HS6ST2: variants seen among roughly 807,000 people sequenced by gnomAD.
HS6ST2 encodes heparan-sulfate 6-O-sulfotransferase 2.
In HS6ST2, 17 loss-of-function variants were observed where a neutral mutation model predicts 33.0. The observed-to-expected ratio is 0.52, with a 90% CI of 0.35 to 0.77. The LOEUF is 0.77. HS6ST2 is among the 30% of genes least tolerant of loss of function. HS6ST2 has a pLI of 0.01. For synonymous variants in HS6ST2, 248 were observed against 237.1 expected (o/e 1.05, Z -0.42); for missense variants, 519 against 551.7 (o/e 0.94, Z 0.59).
chrX:132,942,609 T>C (rs1473503522), intron 2 of HS6ST2, among the ~76,000 whole-genome samples: 1 of 112,064 alleles, frequency 8.9e-6, no homozygotes, highest in Non-Finnish European at 1.9e-5. Flanking sequence ...TCAGGATTCA[T>C]TTCATCTAGG....
chrX:132,693,450 G>T (rs1246746814), intron 3 of HS6ST2, among the ~76,000 whole-genome samples: 1 of 111,707 alleles, frequency 9.0e-6, no homozygotes, highest in Non-Finnish European at 1.9e-5. Flanking sequence ...TCTCTAACTG[G>T]TGTCTAGGGA....
At chrX:132,908,641 T>G (rs1396357152) in intron 2 of HS6ST2, among the ~76,000 whole-genome samples, 2 of 111,825 alleles carry the variant, frequency 1.8e-5, no homozygotes, top group Admixed American at 9.5e-5. Flanking sequence ...CACACTGCAT[T>G]TGTCCATTTA....
At chrX:132,811,685 A>AATTATATATATAT (rs1556452318) in intron 2 of HS6ST2, among the ~76,000 whole-genome samples, 2 of 29,814 alleles carry the variant, frequency 6.7e-5, no homozygotes, top group Non-Finnish European at 1.1e-4. Flanking sequence ...AAGGCTGAAT[A>AATTATATATATAT]ATATATATAT....
intron 2 of HS6ST2, among the ~76,000 whole-genome samples, chrX:132,922,199 G>GC (rs1489819821): frequency 9.0e-6 from 1 of 111,503 alleles, no homozygotes; most frequent in Non-Finnish European, 1.9e-5. Flanking sequence ...TCAGGAGATC[G>GC]AGACCATCCT....
At chrX:132,718,093 AACATTTAATGAGTGCTT>A (rs1384645524) in intron 2 of HS6ST2, among the ~76,000 whole-genome samples, 1 of 112,329 alleles carries the variant, frequency 8.9e-6, no homozygotes, top group Admixed American at 9.4e-5. Context: ...ACCATTAGCT[AACATTTAATGAGTGCTT>A]ACTATATGCC....
chrX:132,810,695 G>T (rs1341980049), intron 2 of HS6ST2, among the ~76,000 whole-genome samples: 1 of 111,594 alleles, frequency 9.0e-6, no homozygotes, highest in Non-Finnish European at 1.9e-5. Context: ...AAGAGCTCAT[G>T]TGCATTTCTT....
intron 2 of HS6ST2, among the ~76,000 whole-genome samples, chrX:132,950,721 C>T (rs1470596456): frequency 1.8e-5 from 2 of 111,916 alleles, no homozygotes; most frequent in East Asian, 5.6e-4. Flanking sequence ...CGTGAGAGTT[C>T]TTTGTACAGT....
intron 2 of HS6ST2, among the ~76,000 whole-genome samples, chrX:132,802,959 C>G (rs1051971388): frequency 8.1e-5 from 9 of 111,038 alleles, no homozygotes; most frequent in African/African-American, 3.0e-4. Context: ...ATCTCCCCAA[C>G]CCCATTCTGT....
intron 2 of HS6ST2, among the ~76,000 whole-genome samples, chrX:132,719,495 C>T (rs777214092): frequency 8.9e-6 from 1 of 111,983 alleles, no homozygotes; most frequent in Non-Finnish European, 1.9e-5. Flanking sequence ...ATGCTCTTTC[C>T]TATCTCCTTT....
At position 132,628,201 on chromosome X, in the gene HS6ST2, TGTACA is replaced by T. The variant is rs753399971; in HGVS notation, c.*17_*21del. On this transcript the variant is annotated 3_prime_UTR_variant, in exon 5 of 5. Transcript: ENST00000370833. ...TTTCAGTGGCGCTTTGGGAGAAGTATGTACAGGCCTTTTTGAGCCATTTAACGCCA... is the reference window on the plus strand; with the variant it reads ...TTTCAGTGGCGCTTTGGGAGAAGTATGGCCTTTTTGAGCCATTTAACGCCA... The T allele has an allele frequency of 6.8e-4, 724 of 1,059,026 alleles. 2 individuals are homozygous for T. The highest frequency in any genetic ancestry group is 1.0e-3 in the South Asian group (47 of 46,123). 87.3% of individuals were successfully genotyped at this position (1,059,026 alleles called of 1,213,427 possible).
chrX:132,786,047 CTCATCTGTAA>C (rs765082246), intron 2 of HS6ST2, among the ~76,000 whole-genome samples: 1 of 111,839 alleles, frequency 8.9e-6, no homozygotes, highest in Non-Finnish European at 1.9e-5. Flanking sequence ...TCTCAGTTCC[CTCATCTGTAA>C]ATGGGAATCA....
chrX:132,854,872 A>G (rs747081485), intron 2 of HS6ST2, among the ~76,000 whole-genome samples: 2 of 112,116 alleles, frequency 1.8e-5, no homozygotes, highest in South Asian at 7.5e-4. Flanking sequence ...AAATCATTCA[A>G]CCTCACCTCT....
At chrX:132,940,463 A>G (rs2066874530) in intron 2 of HS6ST2, among the ~76,000 whole-genome samples, 1 of 112,205 alleles carries the variant, frequency 8.9e-6, no homozygotes, top group Admixed American at 9.5e-5. Context: ...TCCTGCTTCA[A>G]TGGGTACCTT....
At chrX:132,867,693 A>C (rs985150757) in intron 2 of HS6ST2, among the ~76,000 whole-genome samples, 4 of 111,883 alleles carry the variant, frequency 3.6e-5, no homozygotes, top group Non-Finnish European at 7.5e-5. Flanking sequence ...ACTGAGCTTC[A>C]TAAGCAAAGG....
At chrX:132,797,075 C>G (rs1313798923) in intron 2 of HS6ST2, among the ~76,000 whole-genome samples, 1 of 111,439 alleles carries the variant, frequency 9.0e-6, no homozygotes, top group Non-Finnish European at 1.9e-5. Context: ...CAAGAGGATT[C>G]TGGGAAGGTA....
chrX:132,700,493 C>T (rs1355807379), intron 3 of HS6ST2, among the ~76,000 whole-genome samples: 1 of 109,097 alleles, frequency 9.2e-6, no homozygotes, highest in African/African-American at 3.4e-5. Context: ...TAGTTTCTAA[C>T]TTGTTAAATA....
At chrX:132,874,342 C>A (rs2066090255) in intron 2 of HS6ST2, among the ~76,000 whole-genome samples, 1 of 112,465 alleles carries the variant, frequency 8.9e-6, no homozygotes, top group African/African-American at 3.2e-5. Flanking sequence ...CTTTGGGAGG[C>A]TGAGGCAGGC....
At chrX:132,726,968 A>C (rs930299174) in intron 2 of HS6ST2, among the ~76,000 whole-genome samples, 1 of 110,386 alleles carries the variant, frequency 9.1e-6, no homozygotes, top group African/African-American at 3.3e-5. Context: ...CTCTTTTTGA[A>C]TCTCCATAGG....
At chrX:132,915,243 C>CCTCAGGGCTCAGGG (rs751577059) in intron 2 of HS6ST2, among the ~76,000 whole-genome samples, 1 of 112,011 alleles carries the variant, frequency 8.9e-6, no homozygotes, top group Non-Finnish European at 1.9e-5. Flanking sequence ...ATAAGGCCAT[C>CCTCAGGGCTCAGGG]CTCAGGGCTC....
Sources: allele counts gnomAD v4.1 joint callset (sites outside exome capture counted in the v4.1 genomes callset), GRCh38; gene constraint gnomAD v4.1.1; transcripts MANE v1.5; gene names NCBI Gene and HGNC (gene_info 2026-07-23, HGNC 2026-07-21).